Variants in PGBD1 observed in about 807,000 individuals in gnomAD.
PGBD1 encodes the protein piggyBac transposable element-derived protein 1.
Under a neutral mutation model 34.7 loss-of-function variants are expected in PGBD1, and 25 were observed. The ratio of observed to expected loss-of-function variants is 0.72; its 90% CI spans 0.52 to 1.00. The LOEUF (loss-of-function observed/expected upper bound fraction) is 1.00. Ranked by LOEUF, PGBD1 falls within the 50% of genes least tolerant of loss-of-function variation. The pLI, the probability that PGBD1 is intolerant of heterozygous loss-of-function variation, is 0.00. For missense variants in PGBD1, 830 were observed against 959.4 expected, an observed-to-expected ratio of 0.87 and a Z score of 1.78; for synonymous variants, 292 against 335.7, an observed-to-expected ratio of 0.87 and a Z score of 1.42.
At chr6:28,299,400 C>T (rs1325914037) in intron 6 of PGBD1, among the ~76,000 whole-genome samples, 1 of 151,182 alleles carries the variant, frequency 6.6e-6, no homozygotes, top group Non-Finnish European at 1.5e-5. Flanking sequence ...TTCCTTCCCT[C>T]ACAATATTGG....
chr6:28,284,303 T>A, intron 2 of PGBD1, 94 bp downstream of exon 2: 1 of 1,311,480 alleles, frequency 7.6e-7, no homozygotes, highest in Non-Finnish European at 1.0e-6. Context: ...ACTCCTAATT[T>A]ATAGAAGTAT....
intron 6 of PGBD1, among the ~76,000 whole-genome samples, chr6:28,298,469 C>T (rs929632652): frequency 6.6e-6 from 1 of 152,046 alleles, no homozygotes; most frequent in Non-Finnish European, 1.5e-5. Flanking sequence ...AAAGGAAATG[C>T]TCATTGGAGC....
At position 28,302,092 on chromosome 6, in the gene PGBD1, T is replaced by G; in HGVS notation, c.2238T>G (p.Ile746Met). 1 of 1,614,112 alleles carries G rather than the reference T, an allele frequency of 6.2e-7. No individual in the cohort carries two copies. The highest frequency in any genetic ancestry group is 2.2e-5 in the East Asian group (1 of 44,872). ...KEGVAKMDQI[I>M]SKYRVRIRSK... ...GTGTAGCTAAAATGGATCAAATTAT[T>G]TCGAAATACAGGGTGAGGATAAGAA... The change falls in exon 7 of 7, where the codon ATT (isoleucine) becomes ATG (methionine). Residue 746 changes from isoleucine to methionine, a missense_variant. By Grantham distance (10) the Ile-to-Met change is conservative. Transcript: ENST00000682144.
At chr6:28,286,991 A>G (rs1171522105) in intron 3 of PGBD1, 89 bp from the exon 4 acceptor site, 14 of 969,064 alleles carry the variant, frequency 1.4e-5, no homozygotes, top group Non-Finnish European at 2.3e-5. Context: ...TAACAAACAT[A>G]ACATTTGGGG....
chr6:28,301,352 T>A lies in PGBD1; in HGVS notation c.1498T>A (p.Leu500Met). 1 of 1,614,142 alleles carries A rather than the reference T, an allele frequency of 6.2e-7. No individual in the cohort carries two copies. Among genetic ancestry groups the A allele is most frequent in the South Asian group, 1.1e-5 (1 of 91,080 alleles). ...RDAIRRDRFE[L>M]IFSNLHFADN... ...TGCAATCAGAAGGGACAGATTTGAA[T>A]TGATTTTCTCAAACCTGCACTTTGC... is the stretch of plus-strand genomic sequence containing the variant. The change falls in exon 7 of 7, where the codon TTG (leucine) becomes ATG (methionine). Residue 500 changes from leucine to methionine, a missense_variant. By Grantham distance (15) the Leu-to-Met change is conservative. Transcript: ENST00000682144.
intron 4 of PGBD1, 81 bp from the exon 5 acceptor site, chr6:28,296,735 G>A (rs995970918): frequency 3.3e-6 from 5 of 1,511,522 alleles, no homozygotes; most frequent in African/African-American, 2.8e-5. Flanking sequence ...CCGGTCTACA[G>A]CGTGGTATTC....
At chr6:28,284,933 C>G (rs1423185017) in intron 2 of PGBD1, among the ~76,000 whole-genome samples, 1 of 152,144 alleles carries the variant, frequency 6.6e-6, no homozygotes, top group African/African-American at 2.4e-5. Context: ...AGTCCTTATT[C>G]ATATTTTGCC....
Position 28,297,931 on chromosome 6 carries a change from C to A in PGBD1, c.809C>A (p.Ala270Glu). 6.6e-7 allele frequency: 1 copy of A among 1,522,714 alleles called. No homozygotes were observed. Among genetic ancestry groups the A allele is most frequent in the Non-Finnish European group, 8.9e-7 (1 of 1,127,580 alleles). 94.3% of individuals were successfully genotyped at this position (1,522,714 alleles called of 1,614,324 possible). A position where few individuals can be genotyped will look rare whatever the true frequency, so the allele number is the denominator to read the frequency against. ...GTAACTAAAGATAGATTGTTTAAAG[C>A]AAAGCAAGAAACTTCTGAAGAAATG... Reference protein sequence around the residue: ...EIVTKDRLFKAKQETSEEMEQ... With the variant: ...EIVTKDRLFKEKQETSEEMEQ... Residue 270 changes from alanine to glutamate, a missense_variant, in exon 6 of 7, where the codon GCA becomes GAA. Coordinates refer to ENST00000682144, the MANE Select transcript of PGBD1 (RefSeq NM_032507.4).
intron 5 of PGBD1, 74 bp from the exon 6 acceptor site, chr6:28,297,821 T>TTTG: frequency 1.2e-5 from 2 of 169,236 alleles, no homozygotes; most frequent in South Asian, 3.3e-4. Context: ...TGGAAGTTTT[T>TTTG]TTTTTTTTTT....
intron 4 of PGBD1, among the ~76,000 whole-genome samples, chr6:28,288,013 A>G (rs1581630832): frequency 1.3e-5 from 2 of 152,250 alleles, no homozygotes; most frequent in South Asian, 2.1e-4. Flanking sequence ...GGAAATAACA[A>G]CGTAGTCAGG....
chr6:28,281,790 C>T lies in PGBD1; in HGVS notation c.-167C>T. The T allele has an allele frequency of 5.4e-6, 1 of 185,184 alleles. No homozygotes were observed. Among genetic ancestry groups the T allele is most frequent in the South Asian group, 2.0e-4 (1 of 5,118 alleles). The allele number at this position is 185,184 out of a possible 1,614,324, so 11.5% of individuals were successfully genotyped here. A position where few individuals can be genotyped will look rare whatever the true frequency, so the allele number is the denominator to read the frequency against. ...ACACGCCGGTATTCAGTGCCTGGCG[C>T]GGTGCTAGATGCTGGGTGTAATCTC... On this transcript the variant is annotated 5_prime_UTR_variant, in exon 1 of 7. Transcript: ENST00000682144.
In PGBD1 at chr6:28,300,866, A is replaced by T. The variant is rs942541535; in HGVS notation, c.1012A>T (p.Ile338Phe). The T allele has an allele frequency of 1.2e-6, 2 of 1,614,134 alleles. No homozygotes were observed. The highest frequency in any genetic ancestry group is 1.7e-6 in the Non-Finnish European group (2 of 1,180,010). ...ATCCCTGGAATATGCTGCAGGAGAC[A>T]TTACCCGAAAAGGGAGAAAAAAAGA... ...ISSLEYAAGD[I>F]TRKGRKKDKA... Residue 338 changes from isoleucine (I) to phenylalanine (F), a missense_variant, in exon 7 of 7, where the codon ATT becomes TTT. Physicochemically the swap from Ile to Phe is conservative, Grantham distance 21. This residue lies in a region of PGBD1 where 457 missense variants were observed against 515.4 expected (regional missense o/e 0.89). Coordinates refer to ENST00000682144, the MANE Select transcript of PGBD1 (RefSeq NM_032507.4). The surrounding 1 kb of genome is among the most constrained non-coding windows in gnomAD (Gnocchi z 4.0).
Position 28,301,871 on chromosome 6 carries a change from T to C in PGBD1, c.2017T>C (p.Tyr673His). 6.2e-7 allele frequency: 1 copy of C among 1,613,932 alleles called. No homozygotes were observed. Among genetic ancestry groups the C allele is most frequent in the Middle Eastern group, 1.6e-4 (1 of 6,062 alleles). ...VEHMKKMKRG[Y>H]FDFRIEENNE... ...ACATATGAAAAAAATGAAGAGAGGG[T>C]ATTTTGATTTCCGAATAGAAGAAAA... Residue 673 changes from tyrosine (Y) to histidine (H), a missense_variant, in exon 7 of 7, where the codon TAT (tyrosine) becomes CAT (histidine). Physicochemically the swap from Tyr to His is moderately conservative, Grantham distance 83. This residue lies in a region of PGBD1 where 372 missense variants were observed against 427.9 expected (regional missense o/e 0.87). Transcript: ENST00000682144.
In PGBD1 at chr6:28,302,192, G is replaced by A. The variant is rs139051198; in HGVS notation, c.2338G>A (p.Ala780Thr). The change falls in exon 7 of 7, where the codon GCC (alanine) becomes ACC (threonine). Residue 780 changes from alanine to threonine, a missense_variant. Coordinates refer to ENST00000682144, the MANE Select transcript of PGBD1 (RefSeq NM_032507.4). ...AMNNAWQLHR[A>T]CNPGASLDPL... ...GAACAATGCATGGCAACTACACAGAGCCTGTAACCCAGGTGCTTCTCTAGA... is the reference window on the plus strand; with the variant it reads ...GAACAATGCATGGCAACTACACAGAACCTGTAACCCAGGTGCTTCTCTAGA... The A allele has an allele frequency of 1.9e-6, 3 of 1,614,138 alleles. No homozygotes were observed. The highest frequency in any genetic ancestry group is 1.3e-5 in the African/African-American group (1 of 75,024).
At chr6:28,291,124 C>CAAAAAAAAAAAAAAAAAAACCA (rs555039853) in intron 4 of PGBD1, among the ~76,000 whole-genome samples, 1 of 68,474 alleles carries the variant, frequency 1.5e-5, no homozygotes, top group East Asian at 4.5e-4. Context: ...AAATTGAGAC[C>CAAAAAAAAAAAAAAAAAAACCA]AAAAAAAAAA....
At position 28,284,022 on chromosome 6, in the gene PGBD1, A is replaced by G. The variant is rs374149714; in HGVS notation, c.209A>G (p.His70Arg). ...EALAQLRELC[H>R]QWLRPEMHTK... ...CTGGCCCAACTCCGAGAACTTTGTC[A>G]TCAATGGCTGAGACCGGAGATGCAC... is the stretch of plus-strand genomic sequence containing the variant. The change falls in exon 2 of 7, where the codon CAT becomes CGT. Residue 70 changes from histidine (H) to arginine (R), a missense_variant. Transcript: ENST00000682144. 7.4e-6 allele frequency: 12 copies of G among 1,614,190 alleles called. No homozygotes were observed. Among genetic ancestry groups the G allele is most frequent in the Admixed American group, 3.3e-5 (2 of 60,014 alleles).
At chr6:28,282,489 C>CA (rs1762159477) in intron 1 of PGBD1, among the ~76,000 whole-genome samples, 1 of 152,082 alleles carries the variant, frequency 6.6e-6, no homozygotes, top group South Asian at 2.1e-4. Flanking sequence ...ATCCAGTGAC[C>CA]ATAGAAGCGG....
At chr6:28,288,740 C>T (rs1299078133) in intron 4 of PGBD1, among the ~76,000 whole-genome samples, 1 of 151,994 alleles carries the variant, frequency 6.6e-6, no homozygotes, top group Non-Finnish European at 1.5e-5. Flanking sequence ...CCTGTAATCC[C>T]ACACTTTGGG....
At chr6:28,298,054 G>T in intron 6 of PGBD1, 63 bp downstream of exon 6, 1 of 1,157,784 alleles carries the variant, frequency 8.6e-7, no homozygotes, top group Non-Finnish European at 1.3e-6. Context: ...AATGGAATCA[G>T]AGAAACCAAT....
Sources: allele counts gnomAD v4.1 joint callset (sites outside exome capture counted in the v4.1 genomes callset), GRCh38; gene constraint gnomAD v4.1.1; regional missense constraint gnomAD v4.1.1; non-coding constraint Gnocchi (gnomAD v3.1); transcripts MANE v1.5; gene names NCBI Gene and HGNC (gene_info 2026-07-23, HGNC 2026-07-21).